The following CWC27 variants were observed in gnomAD, a reference collection of about 807,000 sequenced individuals.
The protein encoded by CWC27 is spliceosome-associated protein CWC27 homolog.
In CWC27, 47 loss-of-function variants were observed where a neutral mutation model predicts 63.6. The observed-to-expected ratio is 0.74, with a 90% CI of 0.58 to 0.94. The LOEUF is 0.94. CWC27 is among the 40% of genes least tolerant of loss of function. The pLI, the probability that CWC27 is intolerant of heterozygous loss-of-function variation, is 0.00. For synonymous variants in CWC27, 175 were observed against 179.8 expected (o/e 0.97, Z 0.22); for missense variants, 495 against 554.3 (o/e 0.89, Z 1.07).
chr5:64,943,281 AT>A (rs1201615226), intron 11 of CWC27, among the ~76,000 whole-genome samples: 2 of 152,198 alleles, frequency 1.3e-5, no homozygotes, highest in African/African-American at 4.8e-5. Context: ...TTTTCCATTT[AT>A]TTTTATGAAG....
chr5:64,891,488 G>A (rs1205179825), intron 11 of CWC27, among the ~76,000 whole-genome samples: 2 of 152,108 alleles, frequency 1.3e-5, no homozygotes, highest in African/African-American at 4.8e-5. Flanking sequence ...ATATGAAGAT[G>A]TACATACCCT....
rs536962804 is a variant in CWC27 at position 64,788,510 on chromosome 5, T to A, written c.600-441T>A. On this transcript the variant is annotated intron_variant, in intron 6 of 13. Coordinates refer to ENST00000381070, the MANE Select transcript of CWC27 (RefSeq NM_005869.4). Reference sequence around the variant, plus strand: ...TTTTTGTCTGACAATTTTGTATACATATTAATTTTAAAATATTAAAAAATA... The same window carrying A: ...TTTTTGTCTGACAATTTTGTATACAAATTAATTTTAAAATATTAAAAAATA... Among the ~76,000 whole-genome samples, 5 of 152,138 alleles carry A rather than the reference T, an allele frequency of 3.3e-5. No individual in the cohort carries two copies. In the East Asian group the frequency reaches 9.6e-4, roughly 29 times the overall value.
chr5:64,822,025 G>A (rs1257736883), intron 10 of CWC27, among the ~76,000 whole-genome samples: 2 of 152,152 alleles, frequency 1.3e-5, no homozygotes, highest in South Asian at 2.1e-4. Flanking sequence ...AGGTCATGAC[G>A]GGCCTTGTAT....
At chr5:64,868,291 G>C (rs1746578704) in intron 10 of CWC27, among the ~76,000 whole-genome samples, 1 of 151,314 alleles carries the variant, frequency 6.6e-6, no homozygotes, top group African/African-American at 2.4e-5. Context: ...AAATACCTGA[G>C]TTTGTTTATT....
intron 7 of CWC27, among the ~76,000 whole-genome samples, chr5:64,790,818 A>G (rs1285940912): frequency 6.6e-6 from 1 of 152,172 alleles, no homozygotes; most frequent in East Asian, 1.9e-4. Flanking sequence ...AATCCCTATA[A>G]CAACCATGCA....
intron 10 of CWC27, among the ~76,000 whole-genome samples, chr5:64,847,381 A>G (rs760251935): frequency 5.9e-5 from 9 of 152,240 alleles, no homozygotes; most frequent in Non-Finnish European, 1.2e-4. Flanking sequence ...GCATCTAAAT[A>G]TATAAAACAA....
intron 10 of CWC27, among the ~76,000 whole-genome samples, chr5:64,856,861 C>T (rs1746270487): frequency 6.6e-6 from 1 of 152,036 alleles, no homozygotes; most frequent in African/African-American, 2.4e-5. Flanking sequence ...TTTACTATTT[C>T]GGTAAATGAT....
chr5:64,917,780 A>G (rs942687622), intron 11 of CWC27, among the ~76,000 whole-genome samples: 3 of 152,144 alleles, frequency 2.0e-5, no homozygotes, highest in Non-Finnish European at 4.4e-5. Flanking sequence ...GCTGGCTTTC[A>G]GACTGGAACT....
intron 13 of CWC27, among the ~76,000 whole-genome samples, chr5:65,012,536 G>C (rs6889690): frequency 0.023 from 3,577 of 152,336 alleles, 143 homozygotes; most frequent in African/African-American, 0.081. Flanking sequence ...CTTCATGGAA[G>C]TAGGGCCTGG....
chr5:64,817,520 T>C (rs1340478982), intron 10 of CWC27, among the ~76,000 whole-genome samples: 1 of 152,284 alleles, frequency 6.6e-6, no homozygotes, highest in East Asian at 1.9e-4. Flanking sequence ...ACAACCACTG[T>C]AGTGTTTATC....
At chr5:64,936,792 AT>A (rs1333281999) in intron 11 of CWC27, among the ~76,000 whole-genome samples, 1 of 152,134 alleles carries the variant, frequency 6.6e-6, no homozygotes, top group Non-Finnish European at 1.5e-5. Flanking sequence ...TTATTGGTCT[AT>A]TCAGGGATTT....
At chr5:64,920,005 G>A (rs552756451) in intron 11 of CWC27, among the ~76,000 whole-genome samples, 32 of 152,250 alleles carry the variant, frequency 2.1e-4, no homozygotes, top group Admixed American at 1.3e-3. Context: ...CACAGTGGCC[G>A]AACTAATTTA....
chr5:64,804,462 T>A (rs1340014932), intron 10 of CWC27, 76 bp downstream of exon 10: 1 of 1,337,288 alleles, frequency 7.5e-7, no homozygotes, highest in Non-Finnish European at 1.0e-6. Context: ...GAATCCTCTC[T>A]TCAGCTAATT....
At chr5:64,858,469 T>TAAC (rs1431132969) in intron 10 of CWC27, among the ~76,000 whole-genome samples, 2 of 60,862 alleles carry the variant, frequency 3.3e-5, no homozygotes, top group East Asian at 1.6e-3. Context: ...CTCAAAATAA[T>TAAC]AATAATAATA....
At chr5:65,007,061 G>T (rs1194271671) in intron 13 of CWC27, among the ~76,000 whole-genome samples, 1 of 152,132 alleles carries the variant, frequency 6.6e-6, no homozygotes, top group Admixed American at 6.5e-5. Flanking sequence ...GTAGAAACCT[G>T]ACAAGCACTA....
intron 10 of CWC27, among the ~76,000 whole-genome samples, chr5:64,869,921 C>G (rs553740538): frequency 6.6e-6 from 1 of 152,082 alleles, no homozygotes; most frequent in Non-Finnish European, 1.5e-5. Flanking sequence ...CTTCCCTTTT[C>G]TCTCCTTACT....
At chr5:64,844,161 G>C (rs188957885) in intron 10 of CWC27, among the ~76,000 whole-genome samples, 9 of 152,286 alleles carry the variant, frequency 5.9e-5, no homozygotes, top group Non-Finnish European at 8.8e-5. Context: ...ATTTCAACAG[G>C]GGGGAAGGGA....
At chr5:64,801,208 A>G (rs1744473489) in intron 8 of CWC27, 94 bp from the exon 9 acceptor site, 1 of 1,118,590 alleles carries the variant, frequency 8.9e-7, no homozygotes, top group South Asian at 1.6e-5. Context: ...TTGGAATGTT[A>G]TTCCCAGCAA....
chr5:64,999,506 GC>G (rs1189320733), intron 13 of CWC27, among the ~76,000 whole-genome samples: 1 of 151,872 alleles, frequency 6.6e-6, no homozygotes, highest in African/African-American at 2.4e-5. Context: ...ACCCTTCCCA[GC>G]CCCTGGTAAC....
Sources: gnomAD v4.1 joint callset for allele counts (sites outside exome capture counted in the v4.1 genomes callset) on GRCh38, gnomAD v4.1.1 for gene constraint, MANE v1.5 for transcripts, NCBI Gene and HGNC (gene_info 2026-07-23, HGNC 2026-07-21) for gene names.